C3orf85: variants seen among roughly 807,000 people sequenced by gnomAD.
C3orf85 encodes the protein uncharacterized protein C3orf85.
C3orf85 carries 1 observed loss-of-function variant against 1.7 expected under a neutral mutation model. The observed-to-expected ratio is 0.60, with a 90% CI of 0.21 to 2.86. C3orf85 has a LOEUF of 2.86. Among genes scored for constraint, C3orf85 ranks in the 30% most tolerant of loss-of-function variants. C3orf85 has a pLI of 0.22. For synonymous variants in C3orf85, 17 were observed against 8.0 expected (o/e 2.13, Z -1.90); for missense variants, 29 against 21.3 (o/e 1.36, Z -0.72).
chr3:109,147,565 A>T (rs912355106), intron 2 of C3orf85, among the ~76,000 whole-genome samples: 1 of 152,222 alleles, frequency 6.6e-6, no homozygotes, highest in African/African-American at 2.4e-5. Flanking sequence ...AATACAACAC[A>T]GATTGTTAAA....
rs1334777917 is a variant in C3orf85 at position 109,151,213 on chromosome 3, T to C, written c.*1319T>C. 2.0e-5 allele frequency among the ~76,000 whole-genome samples: 3 copies of C among 152,208 alleles called. No homozygotes were observed. Among genetic ancestry groups the C allele is most frequent in the Non-Finnish European group, 4.4e-5 (3 of 68,040 alleles). On this transcript the variant is annotated 3_prime_UTR_variant, in exon 4 of 4. Coordinates refer to ENST00000622536, the MANE Select transcript of C3orf85 (RefSeq NM_001351622.2). ...ATAAGTTTGAGATTGTACATAAATA[T>C]ATCTTCAGTGTTTTACCAATAATAT...
intron 2 of C3orf85, among the ~76,000 whole-genome samples, chr3:109,143,626 C>A (rs151324886): frequency 1.3e-5 from 2 of 152,124 alleles, no homozygotes; most frequent in African/African-American, 4.8e-5. Context: ...TCCGATAACA[C>A]GATACCATGC....
At chr3:109,144,754 C>G (rs180951842) in intron 2 of C3orf85, among the ~76,000 whole-genome samples, 1 of 152,102 alleles carries the variant, frequency 6.6e-6, no homozygotes, top group African/African-American at 2.4e-5. Context: ...CTATCTTAAG[C>G]AATTACTACA....
rs56142450 is a variant in C3orf85 at position 109,150,187 on chromosome 3, T to A, written c.*293T>A. ...TTATGGGAAAAGGAAAGCAAAAACA[T>A]AAACAAAGAAAAGTAGTTTCATTAA... is the stretch of plus-strand genomic sequence containing the variant. On this transcript the variant is annotated 3_prime_UTR_variant, in exon 4 of 4. Transcript: ENST00000622536. The A allele has an allele frequency of 0.38, 69,278 of 181,478 alleles. 16,246 individuals are homozygous for A. The highest frequency in any genetic ancestry group is 0.89 in the East Asian group (6,595 of 7,390). 11.2% of individuals were successfully genotyped at this position (181,478 alleles called of 1,614,324 possible). A position where few individuals can be genotyped will look rare whatever the true frequency, so the allele number is the denominator to read the frequency against.
At chr3:109,147,528 C>T (rs971811096) in intron 2 of C3orf85, among the ~76,000 whole-genome samples, 7 of 152,112 alleles carry the variant, frequency 4.6e-5, no homozygotes, top group Non-Finnish European at 8.8e-5. Flanking sequence ...TAATTCTGAA[C>T]GCAATTGTGT....
intron 1 of C3orf85, 21 bp from the exon 2 acceptor site, chr3:109,136,823 C>CT (rs754161763): frequency 2.2e-3 from 840 of 375,246 alleles, no homozygotes; most frequent in East Asian, 7.7e-3. Flanking sequence ...GTAAATAAAT[C>CT]TTTTTTTTTT....
In C3orf85 at chr3:109,150,024, T is replaced by A. The variant is rs1706851098; in HGVS notation, c.*130T>A. On this transcript the variant is annotated 3_prime_UTR_variant, in exon 4 of 4. Coordinates refer to ENST00000622536, the MANE Select transcript of C3orf85 (RefSeq NM_001351622.2). ...TACTACATTATTTATTATGTCTGTC[T>A]CAAAGTTGTTGAAAACAGTAGTTAT... The A allele has an allele frequency of 2.6e-6, 1 of 384,386 alleles. No homozygotes were observed. The highest frequency in any genetic ancestry group is 2.1e-5 in the African/African-American group (1 of 48,170). The allele number at this position is 384,386 out of a possible 1,614,324, so 23.8% of individuals were successfully genotyped here.
intron 2 of C3orf85, among the ~76,000 whole-genome samples, chr3:109,138,022 C>T (rs982520061): frequency 6.6e-6 from 1 of 152,138 alleles, no homozygotes; most frequent in Non-Finnish European, 1.5e-5. Flanking sequence ...TAAAGCAATG[C>T]TGGCTGGTCC....
At chr3:109,144,489 A>G (rs1475930104) in intron 2 of C3orf85, among the ~76,000 whole-genome samples, 1 of 152,226 alleles carries the variant, frequency 6.6e-6, no homozygotes, top group Non-Finnish European at 1.5e-5. Context: ...TGTCGGGCTT[A>G]TAATGCTGAG....
At chr3:109,137,951 T>G (rs2107831654) in intron 2 of C3orf85, among the ~76,000 whole-genome samples, 1 of 152,180 alleles carries the variant, frequency 6.6e-6, no homozygotes, top group South Asian at 2.1e-4. Context: ...ATGCTTTGCT[T>G]TGACCACTGA....
chr3:109,146,715 A>G (rs1400161013), intron 2 of C3orf85, among the ~76,000 whole-genome samples: 1 of 152,216 alleles, frequency 6.6e-6, no homozygotes, highest in African/African-American at 2.4e-5. Flanking sequence ...GGGGCAAGGC[A>G]GAAGCTGTAA....
chr3:109,139,625 T>C (rs1173855807), intron 2 of C3orf85, among the ~76,000 whole-genome samples: 2 of 152,248 alleles, frequency 1.3e-5, no homozygotes, highest in African/African-American at 4.8e-5. Context: ...GCTTTCATTC[T>C]TCTGCTAAAA....
At chr3:109,137,595 A>G (rs922841176) in intron 2 of C3orf85, among the ~76,000 whole-genome samples, 25 of 145,984 alleles carry the variant, frequency 1.7e-4, no homozygotes, top group African/African-American at 6.2e-4. Flanking sequence ...AGCCCTTCCC[A>G]CACACAGCTA....
intron 2 of C3orf85, among the ~76,000 whole-genome samples, chr3:109,137,220 A>G (rs1202052838): frequency 6.6e-6 from 1 of 152,142 alleles, no homozygotes; most frequent in African/African-American, 2.4e-5. Context: ...TTTCAGAAGT[A>G]TAATACTTAA....
rs1706862228 is a variant in C3orf85 at position 109,150,961 on chromosome 3, G to A, written c.*1067G>A. Among the ~76,000 whole-genome samples the A allele has an allele frequency of 6.6e-6, 1 of 152,146 alleles. No individual in the cohort carries two copies. Among genetic ancestry groups the A allele is most frequent in the Non-Finnish European group, 1.5e-5 (1 of 68,022 alleles). On this transcript the variant is annotated 3_prime_UTR_variant, in exon 4 of 4. Coordinates refer to ENST00000622536, the MANE Select transcript of C3orf85 (RefSeq NM_001351622.2). ...CCAAATGCCAAGAAGTTGACTGGAA[G>A]GACTTTGGCCTCAGCAATTTCTTCT...
chr3:109,140,775 A>G lies in C3orf85; in HGVS notation c.49+3879A>G, dbSNP rs1217370140. The stretch of plus-strand genomic sequence containing the variant: ...ACATGTCCAAGGAAATTCTGTGGCC[A>G]TAAGAGTGAGTGCCAACATTGTGTA... On this transcript the variant is annotated intron_variant, in intron 2 of 3. Transcript: ENST00000622536. 2.0e-5 allele frequency among the ~76,000 whole-genome samples: 3 copies of G among 152,328 alleles called. 1 individual carries two copies. The highest frequency in any genetic ancestry group is 7.2e-5 in the African/African-American group (3 of 41,576).
intron 2 of C3orf85, among the ~76,000 whole-genome samples, chr3:109,138,129 A>G (rs1411478211): frequency 6.6e-6 from 1 of 152,208 alleles, no homozygotes; most frequent in Admixed American, 6.5e-5. Context: ...CTTAAGAAAC[A>G]AGTTTGAATT....
At chr3:109,145,292 C>T (rs1706786019) in intron 2 of C3orf85, among the ~76,000 whole-genome samples, 1 of 152,092 alleles carries the variant, frequency 6.6e-6, no homozygotes, top group Admixed American at 6.5e-5. Flanking sequence ...AAGTATTACT[C>T]AGTCTTAAAA....
intron 3 of C3orf85, chr3:109,149,068 G>A (rs1706834528): frequency 6.6e-6 from 1 of 152,058 alleles, no homozygotes; most frequent in Non-Finnish European, 1.5e-5. Flanking sequence ...AAAACTCCAG[G>A]CCAAATGAAA....
Sources: allele counts gnomAD v4.1 joint callset (sites outside exome capture counted in the v4.1 genomes callset), GRCh38; gene constraint gnomAD v4.1.1; transcripts MANE v1.5; gene names NCBI Gene and HGNC (gene_info 2026-07-23, HGNC 2026-07-21).